The following ZCCHC24 variants were observed in gnomAD, a reference collection of about 807,000 sequenced individuals.
ZCCHC24 encodes zinc finger CCHC-type containing 24.
A neutral mutation model predicts 26.2 loss-of-function variants in ZCCHC24; 10 were observed. The observed-to-expected ratio is 0.38, with a 90% CI of 0.24 to 0.65. ZCCHC24 has a LOEUF of 0.65. Among genes scored for constraint, ZCCHC24 ranks in the 30% least tolerant of loss-of-function variants. The pLI is 0.54. For synonymous variants in ZCCHC24, 144 were observed against 147.1 expected (o/e 0.98, Z 0.15); for missense variants, 243 against 329.1 (o/e 0.74, Z 2.03).
intron 3 of ZCCHC24, among the ~76,000 whole-genome samples, chr10:79,390,376 T>C (rs2132174174): frequency 6.6e-6 from 1 of 152,346 alleles, no homozygotes; most frequent in Admixed American, 6.5e-5. Flanking sequence ...GAACAGTGCC[T>C]GGCACATAGA....
At chr10:79,388,596 C>G (rs770950746) in intron 3 of ZCCHC24, among the ~76,000 whole-genome samples, 2 of 152,206 alleles carry the variant, frequency 1.3e-5, no homozygotes, top group Admixed American at 1.3e-4. Flanking sequence ...CTCCAGCACA[C>G]CAAAACAAAG....
intron 2 of ZCCHC24, among the ~76,000 whole-genome samples, chr10:79,397,377 T>C (rs1589661310): frequency 2.6e-5 from 4 of 152,162 alleles, no homozygotes; most frequent in African/African-American, 9.7e-5. Context: ...AGTCAGTTTG[T>C]AATAGAGGGG....
intron 1 of ZCCHC24, among the ~76,000 whole-genome samples, chr10:79,437,480 A>T (rs1465583256): frequency 6.6e-6 from 1 of 152,346 alleles, no homozygotes; most frequent in East Asian, 1.9e-4. Context: ...AGAGCTAGAA[A>T]CTGAGGCTCA....
intron 2 of ZCCHC24, among the ~76,000 whole-genome samples, chr10:79,411,161 G>A (rs190277405): frequency 1.3e-5 from 2 of 152,308 alleles, no homozygotes; most frequent in East Asian, 1.9e-4. Context: ...CTCAGGAATC[G>A]CCTATAAACC....
At chr10:79,440,928 T>G (rs1857284305) in intron 1 of ZCCHC24, among the ~76,000 whole-genome samples, 1 of 152,188 alleles carries the variant, frequency 6.6e-6, no homozygotes, top group South Asian at 2.1e-4. Flanking sequence ...AGGGTCAGGT[T>G]GCCTCAGCCA....
chr10:79,418,382 G>A (rs552020453), intron 2 of ZCCHC24, among the ~76,000 whole-genome samples: 2 of 152,254 alleles, frequency 1.3e-5, no homozygotes, highest in Admixed American at 1.3e-4. Context: ...GAGAGCTCGG[G>A]CCTTCTGACC....
chr10:79,429,260 T>C (rs1564639751), intron 2 of ZCCHC24, among the ~76,000 whole-genome samples: 1 of 152,060 alleles, frequency 6.6e-6, no homozygotes, highest in Non-Finnish European at 1.5e-5. Flanking sequence ...AGATGAGTGG[T>C]TATGGATGCG....
intron 1 of ZCCHC24, 79 bp from the exon 2 acceptor site, chr10:79,432,837 G>T: frequency 6.9e-7 from 1 of 1,456,780 alleles, no homozygotes; most frequent in Non-Finnish European, 9.2e-7. Context: ...ACACACGCAT[G>T]GATTCACACT....
chr10:79,440,407 A>C (rs903570148), intron 1 of ZCCHC24, among the ~76,000 whole-genome samples: 1 of 152,266 alleles, frequency 6.6e-6, no homozygotes, highest in Admixed American at 6.5e-5. Context: ...ACTCATGACC[A>C]GTACTCAGCA....
chr10:79,389,289 A>G (rs1380093906), intron 3 of ZCCHC24, among the ~76,000 whole-genome samples: 1 of 152,206 alleles, frequency 6.6e-6, no homozygotes, highest in Non-Finnish European at 1.5e-5. Flanking sequence ...ACCTCCATGG[A>G]GACTGAAGGG....
intron 3 of ZCCHC24, among the ~76,000 whole-genome samples, chr10:79,392,368 C>A (rs1220786818): frequency 6.6e-6 from 1 of 152,172 alleles, no homozygotes; most frequent in African/African-American, 2.4e-5. Context: ...CTTCCTCAAG[C>A]CCGCCCCAGC....
intron 1 of ZCCHC24, among the ~76,000 whole-genome samples, chr10:79,443,563 C>T (rs1224719610): frequency 6.6e-6 from 1 of 152,210 alleles, no homozygotes; most frequent in Non-Finnish European, 1.5e-5. Context: ...TTTACTCATC[C>T]GTGGCCCCCA....
rs770473495 is a variant in ZCCHC24 at position 79,394,395 on chromosome 10, G to A, written c.493C>T (p.Arg165Cys). The A allele has an allele frequency of 1.2e-6, 2 of 1,614,094 alleles. No individual in the cohort carries two copies. The change falls in exon 3 of 4, where the codon CGC becomes TGC. Residue 165 changes from arginine to cysteine, a missense_variant. Physicochemically the swap from Arg to Cys is radical, Grantham distance 180. Coordinates refer to ENST00000372336, the MANE Select transcript of ZCCHC24 (RefSeq NM_153367.4). ...EGLTPYQGKKRCFGEYKCPKC... is the reference protein window; with the variant it reads ...EGLTPYQGKKCCFGEYKCPKC... Reference sequence around the variant, plus strand: ...GGACACTTGTACTCGCCGAAGCAGCGCTTTTTGCCCTGGTATGGAGTCAGG... The same window carrying A: ...GGACACTTGTACTCGCCGAAGCAGCACTTTTTGCCCTGGTATGGAGTCAGG...
chr10:79,427,404 A>G (rs1191642547), intron 2 of ZCCHC24, among the ~76,000 whole-genome samples: 1 of 152,228 alleles, frequency 6.6e-6, no homozygotes, highest in African/African-American at 2.4e-5. Flanking sequence ...TCAAGTGCAC[A>G]CAAAACATTC....
At chr10:79,433,250 T>C (rs979533435) in intron 1 of ZCCHC24, among the ~76,000 whole-genome samples, 4 of 152,216 alleles carry the variant, frequency 2.6e-5, no homozygotes, top group Non-Finnish European at 4.4e-5. Flanking sequence ...GGAAAGGGAA[T>C]GTCAGCTTGC....
intron 2 of ZCCHC24, among the ~76,000 whole-genome samples, chr10:79,420,395 A>C (rs1180955982): frequency 6.6e-6 from 1 of 151,986 alleles, no homozygotes; most frequent in Non-Finnish European, 1.5e-5. Context: ...GGCTCCAGCC[A>C]CCTCTGTGGA....
chr10:79,394,777 G>T (rs1021000457), intron 2 of ZCCHC24, among the ~76,000 whole-genome samples: 3 of 152,226 alleles, frequency 2.0e-5, no homozygotes, highest in African/African-American at 7.2e-5. Flanking sequence ...TCATGGGCCT[G>T]CACACAGGCA....
chr10:79,386,775 G>A (rs576330889), intron 3 of ZCCHC24, among the ~76,000 whole-genome samples: 5 of 152,294 alleles, frequency 3.3e-5, no homozygotes, highest in Admixed American at 3.3e-4. Flanking sequence ...GCTGGGCCAG[G>A]GCTGTGGAGG....
intron 2 of ZCCHC24, among the ~76,000 whole-genome samples, chr10:79,430,295 C>T (rs948798324): frequency 3.3e-5 from 5 of 152,028 alleles, no homozygotes; most frequent in African/African-American, 4.8e-5. Context: ...TGGGCCTTCA[C>T]GAGTCCAGGA....
Sources: gnomAD v4.1 joint callset for allele counts (sites outside exome capture counted in the v4.1 genomes callset) on GRCh38, gnomAD v4.1.1 for gene constraint, MANE v1.5 for transcripts, NCBI Gene and HGNC (gene_info 2026-07-23, HGNC 2026-07-21) for gene names.